The following TECTA variants were observed in gnomAD, a reference collection of about 807,000 sequenced individuals.
TECTA encodes alpha-tectorin.
A neutral mutation model predicts 216.8 loss-of-function variants in TECTA; 128 were observed. The observed-to-expected ratio is 0.59, with a 90% CI of 0.51 to 0.68. The LOEUF (loss-of-function observed/expected upper bound fraction) is 0.68, where lower values mean the gene tolerates loss of function less well. Ranked by LOEUF, TECTA falls within the 30% of genes least tolerant of loss-of-function variation. The pLI is 0.00. For missense variants in TECTA, 2,551 were observed against 2,786.2 expected (o/e 0.92, Z 1.90); for synonymous variants, 1,089 against 1,117.1 (o/e 0.97, Z 0.50).
intron 12 of TECTA, among the ~76,000 whole-genome samples, chr11:121,151,832 G>A (rs1946893043): frequency 6.6e-6 from 1 of 152,214 alleles, no homozygotes; most frequent in Non-Finnish European, 1.5e-5. Flanking sequence ...TATAGATACT[G>A]TATAGGGTAT....
At chr11:121,166,348 T>G (rs1947052941) in intron 17 of TECTA, among the ~76,000 whole-genome samples, 1 of 152,242 alleles carries the variant, frequency 6.6e-6, no homozygotes, top group African/African-American at 2.4e-5. Context: ...CAGAAGACAC[T>G]TTATTAGCAT....
At position 121,158,200 on chromosome 11, in the gene TECTA, C is replaced by T. The variant is rs1946963571; in HGVS notation, c.4665C>T (p.Leu1555=). 6.2e-7 allele frequency: 1 copy of T among 1,613,518 alleles called. No homozygotes were observed. The highest frequency in any genetic ancestry group is 8.5e-7 in the Non-Finnish European group (1 of 1,180,034). ...TCTACATTAACGAAGAGCAGATTCTCATCAACGACCGGAACACGGTCAAGG... is the reference window on the plus strand; with the variant it reads ...TCTACATTAACGAAGAGCAGATTCTTATCAACGACCGGAACACGGTCAAGG... ...VYFYINEEQI[L]INDRNTVKVN... Residue 1555 remains leucine, a synonymous_variant, in exon 14 of 24, where the codon CTC becomes CTT. Transcript: ENST00000392793.
At position 121,130,812 on chromosome 11, in the gene TECTA, A is replaced by AGAAAGCAG. The variant is rs558926712; in HGVS notation, c.2941+604_2941+611dup. 1.4e-3 allele frequency among the ~76,000 whole-genome samples: 210 copies of AGAAAGCAG among 152,316 alleles called. 2 individuals are homozygous for AGAAAGCAG. Among genetic ancestry groups the AGAAAGCAG allele is most frequent in the African/African-American group, 3.9e-3 (161 of 41,548 alleles). On this transcript the variant is annotated intron_variant, in intron 10 of 23. Transcript: ENST00000392793. ...AAGCCACAGGGAGAAGTAACATGGC[A>AGAAAGCAG]GAAAGCAGGACTCACTCGTGGAGCA... is the stretch of plus-strand genomic sequence containing the variant.
At position 121,130,056 on chromosome 11, in the gene TECTA, T is replaced by C. The variant is rs1946657815; in HGVS notation, c.2786T>C (p.Val929Ala). Reference sequence around the variant, plus strand: ...AGCTCCTTCCTGGAGTGCCATGGGGTGGTGAACGTCACTGCCTATTACCGC... The same window carrying C: ...AGCTCCTTCCTGGAGTGCCATGGGGCGGTGAACGTCACTGCCTATTACCGC... ...SNSSFLECHG[V>A]VNVTAYYRTC... Residue 929 changes from valine to alanine, a missense_variant, in exon 10 of 24, where the codon GTG becomes GCG. Physicochemically the swap from Val to Ala is moderately conservative, Grantham distance 64. This residue lies in a region of TECTA where 2,375 missense variants were observed against 2,563.9 expected (regional missense o/e 0.93). Transcript: ENST00000392793. The C allele has an allele frequency of 6.2e-7, 1 of 1,613,852 alleles. No homozygotes were observed. The highest frequency in any genetic ancestry group is 1.1e-5 in the South Asian group (1 of 91,062).
Position 121,168,770 on chromosome 11 carries a change from G to C in TECTA, c.5844G>C (p.Gln1948His), listed in dbSNP as rs1947081785. Residue 1948 changes from glutamine to histidine, a missense_variant, in exon 20 of 24, where the codon CAG (glutamine) becomes CAC (histidine). By Grantham distance (24) the Gln-to-His change is conservative. Transcript: ENST00000392793. The part of the protein sequence containing the change: ...KNASYKHPYR[Q>H]GEVVLTTRDV... The stretch of plus-strand genomic sequence containing the variant: ...CCTCCTACAAACATCCTTACCGCCA[G>C]GGTGAAGTAGTGTTGACGACTCGAG... 2.5e-6 allele frequency: 4 copies of C among 1,614,082 alleles called. No homozygotes were observed. The highest frequency in any genetic ancestry group is 1.7e-6 in the Non-Finnish European group (2 of 1,180,036).
chr11:121,150,790 C>T (rs930540047), intron 12 of TECTA, among the ~76,000 whole-genome samples: 14 of 151,952 alleles, frequency 9.2e-5, no homozygotes, highest in Admixed American at 5.2e-4. Flanking sequence ...GGACTAAAGG[C>T]GCATGCCACC....
intron 7 of TECTA, among the ~76,000 whole-genome samples, chr11:121,119,565 G>A (rs994424122): frequency 5.3e-5 from 8 of 152,214 alleles, no homozygotes; most frequent in East Asian, 1.9e-4. Flanking sequence ...TGTTGCAACC[G>A]TGTATTTATT....
chr11:121,189,971 G>A (rs1053083496), intron 23 of TECTA, 91 bp downstream of exon 23: 5 of 1,031,120 alleles, frequency 4.8e-6, no homozygotes, highest in South Asian at 3.8e-5. Context: ...AAGGCCACTC[G>A]GTCAGCAACT....
At chr11:121,187,655 T>C (rs191000223) in intron 20 of TECTA, among the ~76,000 whole-genome samples, 177 bp from the exon 21 acceptor site, 16 of 149,910 alleles carry the variant, frequency 1.1e-4, no homozygotes, top group Non-Finnish European at 2.2e-4. Flanking sequence ...TATGAAAACA[T>C]GAGGGAGTGA....
intron 12 of TECTA, among the ~76,000 whole-genome samples, chr11:121,152,211 A>G (rs560138036): frequency 4.5e-4 from 68 of 152,266 alleles, no homozygotes; most frequent in Non-Finnish European, 7.6e-4. Flanking sequence ...CAGTTTGCAC[A>G]GACATGTGCA....
At chr11:121,174,790 G>T (rs993337269) in intron 20 of TECTA, among the ~76,000 whole-genome samples, 8 of 152,070 alleles carry the variant, frequency 5.3e-5, no homozygotes, top group African/African-American at 1.7e-4. Flanking sequence ...TTGTACCTCT[G>T]GTAGAATTCG....
At chr11:121,118,249 C>A in intron 6 of TECTA, 57 bp from the exon 7 acceptor site, 1 of 1,603,796 alleles carries the variant, frequency 6.2e-7, no homozygotes. Flanking sequence ...TAGCCCAATG[C>A]CTGGCACAGA....
At chr11:121,183,898 C>T (rs948121248) in intron 20 of TECTA, among the ~76,000 whole-genome samples, 2 of 152,044 alleles carry the variant, frequency 1.3e-5, no homozygotes, top group Middle Eastern at 3.2e-3. Context: ...AGTGATCCTC[C>T]CACCTCAGCC....
chr11:121,114,074 C>G (rs1946473039), intron 6 of TECTA, among the ~76,000 whole-genome samples: 1 of 152,120 alleles, frequency 6.6e-6, no homozygotes. Flanking sequence ...TTCCTCCCCC[C>G]GCCCTTTATG....
At position 121,109,133 on chromosome 11, in the gene TECTA, G is replaced by A. The variant is rs890435215; in HGVS notation, c.199-78G>A. ...GTTGTTTTCATTCATACAGTTAGGC[G>A]AATGTCTGTCTTGGTTTGTGACTCT... On this transcript the variant is annotated intron_variant, in intron 3 of 23. Transcript: ENST00000392793. 3.6e-5 allele frequency: 55 copies of A among 1,518,468 alleles called. No individual in the cohort carries two copies. In the African/African-American group the frequency reaches 4.1e-4, roughly 11 times the overall value. The allele number at this position is 1,518,468 out of a possible 1,614,324, so 94.1% of individuals were successfully genotyped here.
intron 20 of TECTA, among the ~76,000 whole-genome samples, chr11:121,186,490 A>T (rs1355186059): frequency 1.3e-5 from 2 of 152,196 alleles, no homozygotes; most frequent in East Asian, 3.8e-4. Flanking sequence ...ATGTCAAGTC[A>T]TCTCCTTGGG....
intron 20 of TECTA, among the ~76,000 whole-genome samples, chr11:121,177,598 T>TAACC (rs1355895481): frequency 1.1e-4 from 17 of 152,202 alleles, no homozygotes; most frequent in Admixed American, 1.3e-4. Flanking sequence ...GGAGGGTGCC[T>TAACC]CCCAGTTAGG....
chr11:121,168,792 C>G lies in TECTA; in HGVS notation c.5866C>G (p.Arg1956Gly). Residue 1956 changes from arginine to glycine, a missense_variant, in exon 20 of 24, where the codon CGA becomes GGA. Physicochemically the swap from Arg to Gly is moderately radical, Grantham distance 125. Coordinates refer to ENST00000392793, the MANE Select transcript of TECTA (RefSeq NM_005422.4). The stretch of plus-strand genomic sequence containing the variant: ...CCAGGGTGAAGTAGTGTTGACGACT[C>G]GAGATGTGCTGTATGTAGGGGTTTT... ...YRQGEVVLTTRDVLYVGVFVV... is the reference protein window; with the variant it reads ...YRQGEVVLTTGDVLYVGVFVV... 1.2e-6 allele frequency: 2 copies of G among 1,614,152 alleles called. No individual in the cohort carries two copies. Among genetic ancestry groups the G allele is most frequent in the Non-Finnish European group, 1.7e-6 (2 of 1,180,024 alleles).
chr11:121,145,114 A>G (rs1946822354), intron 11 of TECTA, among the ~76,000 whole-genome samples: 1 of 152,202 alleles, frequency 6.6e-6, no homozygotes, highest in Non-Finnish European at 1.5e-5. Flanking sequence ...GGAACAGCAA[A>G]GTGAAGCCAT....
Sources: gnomAD v4.1 joint callset for allele counts (sites outside exome capture counted in the v4.1 genomes callset) on GRCh38, gnomAD v4.1.1 for gene constraint, gnomAD v4.1.1 regional missense constraint, MANE v1.5 for transcripts, NCBI Gene and HGNC (gene_info 2026-07-23, HGNC 2026-07-21) for gene names.